The following UBE2E1 variants were observed in gnomAD, a reference collection of about 807,000 sequenced individuals.
UBE2E1 encodes ubiquitin conjugating enzyme E2 E1.
Under a neutral mutation model 21.4 loss-of-function variants are expected in UBE2E1, and 6 were observed. The observed-to-expected ratio is 0.28, with a 90% CI of 0.15 to 0.55. The LOEUF is 0.55. Ranked by LOEUF, UBE2E1 falls within the 20% of genes least tolerant of loss-of-function variation. UBE2E1 has a pLI of 0.93. For synonymous variants in UBE2E1, 87 were observed against 82.7 expected, an observed-to-expected ratio of 1.05 and a Z score of -0.28; for missense variants, 142 against 236.5, an observed-to-expected ratio of 0.60 and a Z score of 2.62.
Position 23,842,253 on chromosome 3 carries a change from T to TGTGTGTGG in UBE2E1, c.203+30743_203+30744insGTGTGTGG, listed in dbSNP as rs1559482500. 3.5e-5 allele frequency among the ~76,000 whole-genome samples: 2 copies of TGTGTGTGG among 56,756 alleles called. No homozygotes were observed. Among genetic ancestry groups the TGTGTGTGG allele is most frequent in the African/African-American group, 1.2e-4 (2 of 16,870 alleles). The allele number at this position is 56,756 out of a possible 152,430, so 37.2% of individuals were successfully genotyped here. On this transcript the variant is annotated intron_variant, in intron 3 of 5. Coordinates refer to ENST00000306627, the MANE Select transcript of UBE2E1 (RefSeq NM_003341.5). The surrounding 1 kb of genome is among the most constrained non-coding windows in gnomAD (Gnocchi z 4.6). The stretch of plus-strand genomic sequence containing the variant: ...TGTGTGTGTGTGTGTGTGTGTGGTG[T>TGTGTGTGG]TGTTGTTGTTGGCGACAGGGTCTCA...
chr3:23,815,125 C>T (rs563964962), intron 3 of UBE2E1, among the ~76,000 whole-genome samples: 2 of 152,202 alleles, frequency 1.3e-5, no homozygotes, highest in East Asian at 1.9e-4. Flanking sequence ...GAACTACAGG[C>T]GTTCGACACT....
chr3:23,855,321 A>G (rs1441500363), intron 3 of UBE2E1, among the ~76,000 whole-genome samples: 1 of 152,076 alleles, frequency 6.6e-6, no homozygotes, highest in Non-Finnish European at 1.5e-5. Context: ...GTTAATTTTC[A>G]TATTGTTTCA....
At chr3:23,833,572 C>G (rs1699912498) in intron 3 of UBE2E1, among the ~76,000 whole-genome samples, 1 of 152,130 alleles carries the variant, frequency 6.6e-6, no homozygotes, top group Non-Finnish European at 1.5e-5. Flanking sequence ...TGCAGATGAA[C>G]AAGATGTCGG....
chr3:23,889,003 A>G, intron 4 of UBE2E1, 109 bp from the exon 5 acceptor site: 1 of 1,095,804 alleles, frequency 9.1e-7, no homozygotes, highest in Admixed American at 3.0e-5. Context: ...TCTTCTTGAC[A>G]GCTTTAATTA....
At chr3:23,845,888 C>T (rs1700193276) in intron 3 of UBE2E1, among the ~76,000 whole-genome samples, 1 of 152,078 alleles carries the variant, frequency 6.6e-6, no homozygotes, top group South Asian at 2.1e-4. Flanking sequence ...TAATAGTTTT[C>T]ACGTGTCATA....
intron 3 of UBE2E1, among the ~76,000 whole-genome samples, chr3:23,869,601 T>C (rs1700736874): frequency 6.6e-6 from 1 of 151,724 alleles, no homozygotes; most frequent in Admixed American, 6.6e-5. Flanking sequence ...CAATAAAAGA[T>C]GTCTCATCTG....
intron 3 of UBE2E1, among the ~76,000 whole-genome samples, chr3:23,819,873 G>C (rs1280247931): frequency 3.3e-5 from 5 of 152,308 alleles, no homozygotes; most frequent in East Asian, 1.9e-4. Context: ...ATTGAGAAAA[G>C]ATGTATTGGA....
At chr3:23,864,768 CTTAG>C (rs953447194) in intron 3 of UBE2E1, among the ~76,000 whole-genome samples, 19 of 152,194 alleles carry the variant, frequency 1.2e-4, no homozygotes, top group Admixed American at 2.6e-4. Context: ...TTATCTGTTC[CTTAG>C]TTAGAAAGGT....
At position 23,876,494 on chromosome 3, in the gene UBE2E1, C is replaced by G. The variant is rs1292787871; in HGVS notation, c.204-11073C>G. The stretch of plus-strand genomic sequence containing the variant: ...GATTGCTACCTTCATAGCTTATCTT[C>G]TCTATGAATTTCTTAGCAATAGAAG... On this transcript the variant is annotated intron_variant, in intron 3 of 5. Coordinates refer to ENST00000306627, the MANE Select transcript of UBE2E1 (RefSeq NM_003341.5). The surrounding 1 kb of genome is among the most constrained non-coding windows in gnomAD (Gnocchi z 4.3). 6.6e-6 allele frequency among the ~76,000 whole-genome samples: 1 copy of G among 152,122 alleles called. No individual in the cohort carries two copies. Among genetic ancestry groups the G allele is most frequent in the Non-Finnish European group, 1.5e-5 (1 of 68,038 alleles).
intron 3 of UBE2E1, among the ~76,000 whole-genome samples, chr3:23,818,790 T>A (rs895188182): frequency 2.0e-5 from 3 of 152,112 alleles, no homozygotes; most frequent in Non-Finnish European, 4.4e-5. Context: ...AGGAAAGAAT[T>A]GTGCTCTGAA....
chr3:23,887,549 TTGAC>T lies in UBE2E1; in HGVS notation c.204-17_204-14del. 6.3e-7 allele frequency: 1 copy of T among 1,595,958 alleles called. No homozygotes were observed. The highest frequency in any genetic ancestry group is 8.5e-7 in the Non-Finnish European group (1 of 1,175,166). The stretch of plus-strand genomic sequence containing the variant: ...GATAGTGCCACCATCTGCTTATTTG[TTGAC>T]GTATTATTCACAGTGCTGGTCCCAA... On this transcript the variant is annotated splice_polypyrimidine_tract_variant and intron_variant, in intron 3 of 5. Transcript: ENST00000306627. This position sits in a 1 kb window ranked among gnomAD's most constrained non-coding sequence, Gnocchi z 4.4.
rs1458344282 is a variant in UBE2E1 at position 23,823,306 on chromosome 3, C to T, written c.203+11796C>T. 6.6e-6 allele frequency among the ~76,000 whole-genome samples: 1 copy of T among 152,134 alleles called. No homozygotes were observed. The highest frequency in any genetic ancestry group is 2.4e-5 in the African/African-American group (1 of 41,402). ...GCCAGATACTCTTGGTCCTGCTTAC[C>T]TTGATAATTGAGGGTAGAATTAAGA... is the stretch of plus-strand genomic sequence containing the variant. On this transcript the variant is annotated intron_variant, in intron 3 of 5. Coordinates refer to ENST00000306627, the MANE Select transcript of UBE2E1 (RefSeq NM_003341.5). This position sits in a 1 kb window ranked among gnomAD's most constrained non-coding sequence, Gnocchi z 4.2.
At chr3:23,825,133 G>C (rs796780561) in intron 3 of UBE2E1, among the ~76,000 whole-genome samples, 2 of 152,264 alleles carry the variant, frequency 1.3e-5, no homozygotes, top group South Asian at 4.1e-4. Context: ...ATTTTTGTTT[G>C]TTCCAGTTAA....
chr3:23,826,031 C>G (rs1699751313), intron 3 of UBE2E1, among the ~76,000 whole-genome samples: 1 of 151,998 alleles, frequency 6.6e-6, no homozygotes, highest in African/African-American at 2.4e-5. Flanking sequence ...CCAGCCTGGG[C>G]AACATAGTGA....
chr3:23,872,450 A>C (rs1249471284), intron 3 of UBE2E1, among the ~76,000 whole-genome samples: 1 of 152,158 alleles, frequency 6.6e-6, no homozygotes, highest in Non-Finnish European at 1.5e-5. Flanking sequence ...GTCTGGGAGT[A>C]AGAATCAAGC....
At chr3:23,819,446 C>T (rs1699598855) in intron 3 of UBE2E1, among the ~76,000 whole-genome samples, 2 of 152,076 alleles carry the variant, frequency 1.3e-5, no homozygotes, top group Non-Finnish European at 2.9e-5. Context: ...CGATTAGAAG[C>T]ATTTTTGGTG....
Position 23,863,766 on chromosome 3 carries a change from G to A in UBE2E1, c.204-23801G>A, listed in dbSNP as rs112784368. ...GCTGGTCTCAAACTCCCGATCTCAGGTCATCCACCCACCTCAGCCTCCCAA... is the reference window on the plus strand; with the variant it reads ...GCTGGTCTCAAACTCCCGATCTCAGATCATCCACCCACCTCAGCCTCCCAA... On this transcript the variant is annotated intron_variant, in intron 3 of 5. Transcript: ENST00000306627. The surrounding 1 kb of genome is among the most constrained non-coding windows in gnomAD (Gnocchi z 4.3). Among the ~76,000 whole-genome samples, 248 of 152,180 alleles carry A rather than the reference G, an allele frequency of 1.6e-3. No individual in the cohort carries two copies. The highest frequency in any genetic ancestry group is 5.6e-3 in the African/African-American group (231 of 41,526).
intron 3 of UBE2E1, among the ~76,000 whole-genome samples, chr3:23,824,711 G>T (rs1446083699): frequency 6.6e-6 from 1 of 152,186 alleles, no homozygotes; most frequent in African/African-American, 2.4e-5. Flanking sequence ...TAACAGTCTT[G>T]CAGGCTGAAT....
chr3:23,820,845 T>C (rs1699629057), intron 3 of UBE2E1, among the ~76,000 whole-genome samples: 1 of 152,162 alleles, frequency 6.6e-6, no homozygotes, highest in African/African-American at 2.4e-5. Context: ...TTTATTAAAA[T>C]TGATCGATGG....
Sources: gnomAD v4.1 joint callset for allele counts (sites outside exome capture counted in the v4.1 genomes callset) on GRCh38, gnomAD v4.1.1 for gene constraint, Gnocchi (gnomAD v3.1) non-coding constraint, MANE v1.5 for transcripts, NCBI Gene and HGNC (gene_info 2026-07-23, HGNC 2026-07-21) for gene names.